CGNL1: variants seen among roughly 807,000 people sequenced by gnomAD.
CGNL1 encodes the protein cingulin like 1, also known as cingulin-like protein 1.
In CGNL1, 132 loss-of-function variants were observed where a neutral mutation model predicts 141.2. The ratio of observed to expected loss-of-function variants is 0.93; its 90% CI spans 0.81 to 1.08. The LOEUF (loss-of-function observed/expected upper bound fraction) is 1.08. Among genes scored for constraint, CGNL1 ranks in the 50% least tolerant of loss-of-function variants. CGNL1 has a pLI of 0.00. For missense variants in CGNL1, 1,870 were observed against 1,588.6 expected, an observed-to-expected ratio of 1.18 and a Z score of -3.01; for synonymous variants, 690 against 622.1, an observed-to-expected ratio of 1.11 and a Z score of -1.63.
In CGNL1 at chr15:57,531,785, A is replaced by C. The variant is rs1467349370; in HGVS notation, c.3291+6A>C. 1 of 1,544,766 alleles carries C rather than the reference A, an allele frequency of 6.5e-7. No individual in the cohort carries two copies. Among genetic ancestry groups the C allele is most frequent in the Admixed American group, 1.7e-5 (1 of 59,926 alleles). ...TCAGTAGGAGCAGGGAACAGGTACT[A>C]TTCTATAGGTGAATGATGCGTGGAT... is the stretch of plus-strand genomic sequence containing the variant. On this transcript the variant is annotated splice_donor_region_variant and intron_variant, in intron 14 of 18. Transcript: ENST00000281282.
intron 16 of CGNL1, among the ~76,000 whole-genome samples, chr15:57,545,230 T>C (rs112772608): frequency 8.4e-4 from 128 of 152,326 alleles, no homozygotes; most frequent in Middle Eastern, 3.4e-3. Flanking sequence ...CTTTACATTA[T>C]CTATTGTGTT....
intron 1 of CGNL1, among the ~76,000 whole-genome samples, chr15:57,387,302 T>C (rs1449193806): frequency 2.6e-5 from 4 of 152,224 alleles, no homozygotes; most frequent in African/African-American, 9.6e-5. Flanking sequence ...GGTGTCTTTT[T>C]TGCAGAGCAC....
At chr15:57,489,595 A>G (rs1449721769) in intron 8 of CGNL1, among the ~76,000 whole-genome samples, 2 of 152,224 alleles carry the variant, frequency 1.3e-5, no homozygotes, top group African/African-American at 2.4e-5. Context: ...TGAACATAGT[A>G]TGAGGTAGGA....
At chr15:57,533,445 C>T (rs1369607174) in intron 14 of CGNL1, among the ~76,000 whole-genome samples, 5 of 152,154 alleles carry the variant, frequency 3.3e-5, no homozygotes, top group Non-Finnish European at 5.9e-5. Context: ...GGCTAAGTAG[C>T]GACGTTCCCC....
intron 7 of CGNL1, among the ~76,000 whole-genome samples, chr15:57,455,741 A>T (rs1345011130): frequency 6.6e-6 from 1 of 152,192 alleles, no homozygotes; most frequent in Non-Finnish European, 1.5e-5. Flanking sequence ...CTCTTTAAAC[A>T]TGCCATACTG....
intron 1 of CGNL1, among the ~76,000 whole-genome samples, chr15:57,413,235 C>CTCCT (rs2062812500): frequency 6.7e-6 from 1 of 150,046 alleles, no homozygotes; most frequent in Non-Finnish European, 1.5e-5. Context: ...CCCTCCCTCC[C>CTCCT]TCCCTCCCTT....
At chr15:57,383,142 G>T (rs1222432047) in intron 1 of CGNL1, among the ~76,000 whole-genome samples, 13 of 152,122 alleles carry the variant, frequency 8.5e-5, no homozygotes. Flanking sequence ...CAAAAACCTG[G>T]AATGTTCACT....
intron 1 of CGNL1, among the ~76,000 whole-genome samples, chr15:57,379,535 C>T (rs1449574156): frequency 1.3e-5 from 2 of 152,156 alleles, no homozygotes; most frequent in African/African-American, 4.8e-5. Context: ...TAATGGCCTC[C>T]TAACTCTCTT....
chr15:57,412,864 C>CT (rs1220932365), intron 1 of CGNL1, among the ~76,000 whole-genome samples: 5 of 151,680 alleles, frequency 3.3e-5, no homozygotes, highest in East Asian at 3.9e-4. Flanking sequence ...ATCTCAGTTT[C>CT]TTTTTTTTTC....
At chr15:57,440,235 G>A (rs867306160) in intron 2 of CGNL1, 142 bp from the exon 3 acceptor site, 2 of 637,144 alleles carry the variant, frequency 3.1e-6, no homozygotes, top group Non-Finnish European at 5.5e-6. Context: ...GCGAGGAGAA[G>A]TTAAGTAACT....
Position 57,518,389 on chromosome 15 carries a change from G to A in CGNL1, c.2611-4G>A. On this transcript the variant is annotated splice_region_variant and splice_polypyrimidine_tract_variant and intron_variant, in intron 9 of 18. Transcript: ENST00000281282. The stretch of plus-strand genomic sequence containing the variant: ...GTGCACACTGACCCAGTGTTTCATT[G>A]TAGGGAGAAATACGACAGTTAGAGG... 7.5e-6 allele frequency: 12 copies of A among 1,608,754 alleles called. No individual in the cohort carries two copies. The highest frequency in any genetic ancestry group is 9.4e-6 in the Non-Finnish European group (11 of 1,175,788).
chr15:57,434,256 T>A (rs921029348), intron 1 of CGNL1, among the ~76,000 whole-genome samples: 1 of 152,162 alleles, frequency 6.6e-6, no homozygotes, highest in Non-Finnish European at 1.5e-5. Flanking sequence ...AGCTATTGAG[T>A]ATTACAAATT....
intron 4 of CGNL1, among the ~76,000 whole-genome samples, chr15:57,449,315 G>C (rs1422663843): frequency 1.3e-5 from 2 of 152,174 alleles, no homozygotes; most frequent in Non-Finnish European, 2.9e-5. Flanking sequence ...TGAAATCCCT[G>C]TTGCTTACTA....
chr15:57,402,725 G>T (rs146745714), intron 1 of CGNL1: 2 of 152,374 alleles, frequency 1.3e-5, no homozygotes, highest in African/African-American at 4.8e-5. Context: ...GTAAGTGTTT[G>T]ACAAGTTAAG....
At chr15:57,386,929 A>G (rs1420657080) in intron 1 of CGNL1, among the ~76,000 whole-genome samples, 5 of 152,186 alleles carry the variant, frequency 3.3e-5, no homozygotes, top group African/African-American at 1.2e-4. Flanking sequence ...TGGTGGCAAA[A>G]TACAGCATAA....
intron 1 of CGNL1, among the ~76,000 whole-genome samples, chr15:57,426,026 A>AC (rs1286554942): frequency 1.3e-5 from 2 of 148,480 alleles, no homozygotes; most frequent in East Asian, 2.0e-4. Flanking sequence ...GTAGGCAGGG[A>AC]CCCCCCTCCC....
chr15:57,537,020 C>T lies in CGNL1; in HGVS notation c.3291+5241C>T, dbSNP rs1290101989. 2.0e-5 allele frequency among the ~76,000 whole-genome samples: 3 copies of T among 152,176 alleles called. 1 individual carries two copies. The East Asian group carries it at 5.8e-4, about 29-fold the overall frequency. ...CTTTATGAGTGCAGGATTCAAATAG[C>T]CAAAGAGAGGTCCGGCTTCATATGC... On this transcript the variant is annotated intron_variant, in intron 14 of 18. Coordinates refer to ENST00000281282, the MANE Select transcript of CGNL1 (RefSeq NM_032866.5).
intron 1 of CGNL1, among the ~76,000 whole-genome samples, chr15:57,411,588 T>A (rs963542262): frequency 6.6e-6 from 1 of 151,904 alleles, no homozygotes; most frequent in South Asian, 2.1e-4. Context: ...GGATTACAGG[T>A]GTCCGCCACC....
chr15:57,491,236 G>A (rs1337403800), intron 8 of CGNL1, among the ~76,000 whole-genome samples: 2 of 152,158 alleles, frequency 1.3e-5, no homozygotes, highest in Non-Finnish European at 2.9e-5. Context: ...AGGGAATTTT[G>A]TATTATTTTA....
Sources: allele counts gnomAD v4.1 joint callset (sites outside exome capture counted in the v4.1 genomes callset), GRCh38; gene constraint gnomAD v4.1.1; transcripts MANE v1.5; gene names NCBI Gene and HGNC (gene_info 2026-07-23, HGNC 2026-07-21).